Variants in PZP observed in about 807,000 individuals in gnomAD.
The protein encoded by PZP is pregnancy zone protein.
A neutral mutation model predicts 179.8 loss-of-function variants in PZP; 150 were observed. The ratio of observed to expected loss-of-function variants is 0.83; its 90% CI spans 0.73 to 0.96. The LOEUF (loss-of-function observed/expected upper bound fraction) is 0.96. Ranked by LOEUF, PZP falls within the 40% of genes least tolerant of loss-of-function variation. The pLI is 0.00. For missense variants in PZP, 1,689 were observed against 1,764.0 expected (o/e 0.96, Z 0.76); for synonymous variants, 624 against 652.3 (o/e 0.96, Z 0.66).
Position 9,193,902 on chromosome 12 carries a change from C to G in PZP, c.1254+175G>C, listed in dbSNP as rs1477936711. 1.1e-3 allele frequency among the ~76,000 whole-genome samples: 172 copies of G among 152,264 alleles called. 4 individuals are homozygous for G. In the East Asian group the frequency reaches 0.021, roughly 19 times the overall value. ...GAAATTATCAGGCACTTCTGCAGTG[C>G]CTTTTCTAATGCCTTTATTGTTTTT... On this transcript the variant is annotated intron_variant, in intron 11 of 35. Coordinates refer to ENST00000261336, the MANE Select transcript of PZP (RefSeq NM_002864.3).
intron 23 of PZP, 106 bp from the exon 24 acceptor site, chr12:9,160,596 G>T: frequency 9.7e-7 from 1 of 1,028,584 alleles, no homozygotes; most frequent in Non-Finnish European, 1.4e-6. Flanking sequence ...TTAGGTAAGA[G>T]AAAAGTTATA....
At chr12:9,199,167 C>A (rs1264520797) in intron 7 of PZP, among the ~76,000 whole-genome samples, 1 of 152,148 alleles carries the variant, frequency 6.6e-6, no homozygotes, top group African/African-American at 2.4e-5. Flanking sequence ...CTCATCACTG[C>A]CGATTCTGAG....
intron 15 of PZP, among the ~76,000 whole-genome samples, chr12:9,180,123 C>A (rs926584770): frequency 6.6e-6 from 1 of 152,004 alleles, no homozygotes; most frequent in Non-Finnish European, 1.5e-5. Context: ...TCAATAGAGG[C>A]TTATTTATTT....
At chr12:9,150,895 G>A in intron 33 of PZP, 149 bp from the exon 34 acceptor site, 1 of 622,254 alleles carries the variant, frequency 1.6e-6, no homozygotes, top group Non-Finnish European at 2.8e-6. Context: ...GTTTTAGAAT[G>A]CATCCTTGGG....
rs764492677 is a variant in PZP at position 9,153,351 on chromosome 12, A to G, written c.3775-8T>C. 2.6e-5 allele frequency: 42 copies of G among 1,606,872 alleles called. No homozygotes were observed. Among genetic ancestry groups the G allele is most frequent in the Admixed American group, 6.7e-5 (4 of 59,760 alleles). On this transcript the variant is annotated splice_region_variant and splice_polypyrimidine_tract_variant and intron_variant, in intron 29 of 35. Transcript: ENST00000261336. Reference sequence around the variant, plus strand: ...GAGAGCCACCACTGTGTCCTGGAAGAGACGAGTGGACAACCGCCCCAAAGA... The same window carrying G: ...GAGAGCCACCACTGTGTCCTGGAAGGGACGAGTGGACAACCGCCCCAAAGA...
chr12:9,165,106 C>T, intron 19 of PZP, 33 bp downstream of exon 19: 1 of 1,597,636 alleles, frequency 6.3e-7, no homozygotes, highest in Non-Finnish European at 8.6e-7. Flanking sequence ...TTTTGTTCTA[C>T]CCACCTTTCC....
chr12:9,203,703 C>G (rs1230241867), intron 2 of PZP, 65 bp downstream of exon 2: 3 of 1,557,386 alleles, frequency 1.9e-6, no homozygotes, highest in Non-Finnish European at 2.6e-6. Flanking sequence ...GCTCCATCAC[C>G]ATGACCTATA....
chr12:9,164,736 T>G (rs1381097178), intron 19 of PZP, among the ~76,000 whole-genome samples: 1 of 152,194 alleles, frequency 6.6e-6, no homozygotes, highest in African/African-American at 2.4e-5. Context: ...ATTACATAAT[T>G]TACAAAGAGA....
chr12:9,158,757 C>CTTTTTTTTT (rs60888135), intron 25 of PZP, among the ~76,000 whole-genome samples, 181 bp from the exon 26 acceptor site: 1 of 125,434 alleles, frequency 8.0e-6, no homozygotes, highest in African/African-American at 3.0e-5. Flanking sequence ...CTTTTCTTTT[C>CTTTTTTTTT]TTTTTTTTTT....
At chr12:9,158,695 T>C in intron 25 of PZP, 119 bp from the exon 26 acceptor site, 2 of 962,754 alleles carry the variant, frequency 2.1e-6, no homozygotes, top group South Asian at 2.8e-5. Context: ...CAGCTGTTAC[T>C]GAGAGTTTGG....
intron 1 of PZP, among the ~76,000 whole-genome samples, chr12:9,204,731 A>G (rs969758312): frequency 2.0e-5 from 3 of 152,180 alleles, no homozygotes; most frequent in African/African-American, 4.8e-5. Flanking sequence ...TAATATTAGT[A>G]TGTCCATGTT....
At chr12:9,199,875 T>G (rs1944050890) in intron 7 of PZP, among the ~76,000 whole-genome samples, 1 of 152,096 alleles carries the variant, frequency 6.6e-6, no homozygotes, top group African/African-American at 2.4e-5. Context: ...TGTAGAGAGT[T>G]TGGAAAAAGA....
At chr12:9,140,832 G>A in the PZP span, among the ~76,000 whole-genome samples, 13 of 152,118 alleles carry the variant, frequency 8.5e-5, no homozygotes, top group South Asian at 6.2e-4. Context: ...CCAGTTTCCC[G>A]AGAGTTTTAT....
At chr12:9,192,100 T>C in intron 13 of PZP, 93 bp downstream of exon 13, 1 of 1,075,388 alleles carries the variant, frequency 9.3e-7, no homozygotes, top group Non-Finnish European at 1.4e-6. Context: ...TGTGAAGGGA[T>C]GATGGAAACG....
intron 34 of PZP, among the ~76,000 whole-genome samples, chr12:9,150,231 C>A (rs1940249942): frequency 6.6e-6 from 1 of 152,162 alleles, no homozygotes; most frequent in South Asian, 2.1e-4. Context: ...GTTTCTGACT[C>A]AAGAAACACT....
chr12:9,157,712 C>T, intron 27 of PZP, 55 bp downstream of exon 27: 5 of 1,521,376 alleles, frequency 3.3e-6, no homozygotes, highest in Middle Eastern at 3.4e-4. Flanking sequence ...GGTGGCATTC[C>T]AGACAGCAAA....
rs1414513176 is a variant in PZP at position 9,170,630 on chromosome 12, G to C, written c.1840-1039C>G. On this transcript the variant is annotated intron_variant, in intron 15 of 35. Transcript: ENST00000261336. This position sits in a 1 kb window ranked among gnomAD's most constrained non-coding sequence, Gnocchi z 4.6. The stretch of plus-strand genomic sequence containing the variant: ...GGGAGAGGTGGGTGCCATCTCTGTG[G>C]TTCTGAGGACTCAGCCACTCCAGCC... Among the ~76,000 whole-genome samples, 1 of 152,192 alleles carries C rather than the reference G, an allele frequency of 6.6e-6. No homozygotes were observed. The highest frequency in any genetic ancestry group is 1.9e-4 in the East Asian group (1 of 5,188).
the PZP span, among the ~76,000 whole-genome samples, chr12:9,142,529 G>T: frequency 6.6e-6 from 1 of 152,152 alleles, no homozygotes; most frequent in Non-Finnish European, 1.5e-5. Context: ...GAACTGAAAG[G>T]TCCCATAGCT....
chr12:9,146,029 T>A (rs1939990928), downstream of PZP, among the ~76,000 whole-genome samples: 1 of 152,170 alleles, frequency 6.6e-6, no homozygotes, highest in Non-Finnish European at 1.5e-5. Flanking sequence ...TGGGTTCATC[T>A]TACTTAGTTA....
Sources: allele counts gnomAD v4.1 joint callset (sites outside exome capture counted in the v4.1 genomes callset), GRCh38; gene constraint gnomAD v4.1.1; non-coding constraint Gnocchi (gnomAD v3.1); transcripts MANE v1.5; gene names NCBI Gene and HGNC (gene_info 2026-07-23, HGNC 2026-07-21).